KCNJ6: variants seen among roughly 807,000 people sequenced by gnomAD.
KCNJ6 encodes the protein G protein-activated inward rectifier potassium channel 2.
A neutral mutation model predicts 34.2 loss-of-function variants in KCNJ6; 9 were observed. The ratio of observed to expected loss-of-function variants is 0.26; its 90% confidence interval spans 0.16 to 0.46. The LOEUF is 0.46. KCNJ6 is among the 20% of genes least tolerant of loss of function. The pLI is 1.00. For synonymous variants in KCNJ6, 196 were observed against 207.1 expected (o/e 0.95, Z 0.46); for missense variants, 236 against 531.3 (o/e 0.44, Z 5.46).
intron 2 of KCNJ6, among the ~76,000 whole-genome samples, chr21:37,820,851 G>A (rs918765772): frequency 1.3e-5 from 2 of 152,220 alleles, no homozygotes; most frequent in Non-Finnish European, 2.9e-5. Context: ...CAGCCCTTGA[G>A]GGATGTGCCT....
chr21:37,725,759 T>C (rs148243321), intron 2 of KCNJ6, among the ~76,000 whole-genome samples: 1 of 152,328 alleles, frequency 6.6e-6, no homozygotes, highest in East Asian at 1.9e-4. Context: ...ACAACCCAAA[T>C]GTCTATCACC....
chr21:37,905,331 A>G (rs1451300697), intron 1 of KCNJ6, among the ~76,000 whole-genome samples: 8 of 152,238 alleles, frequency 5.3e-5, no homozygotes, highest in East Asian at 1.9e-4. Context: ...CTTGCCCCCA[A>G]TCAAAGCAGT....
At chr21:37,909,353 G>A (rs927248763) in intron 1 of KCNJ6, among the ~76,000 whole-genome samples, 1 of 151,844 alleles carries the variant, frequency 6.6e-6, no homozygotes, top group Non-Finnish European at 1.5e-5. Context: ...CTTTGTGCTG[G>A]ACACTGCACA....
intron 1 of KCNJ6, among the ~76,000 whole-genome samples, chr21:37,906,173 C>T (rs985165133): frequency 3.3e-5 from 5 of 152,046 alleles, no homozygotes; most frequent in Non-Finnish European, 7.4e-5. Flanking sequence ...ACAGAGAAGC[C>T]CTTGCTTTGT....
At chr21:37,775,344 C>G (rs1319940074) in intron 2 of KCNJ6, among the ~76,000 whole-genome samples, 1 of 152,194 alleles carries the variant, frequency 6.6e-6, no homozygotes, top group African/African-American at 2.4e-5. Flanking sequence ...TGCAGAAGCT[C>G]TTTAGTTTAA....
intron 1 of KCNJ6, among the ~76,000 whole-genome samples, chr21:37,877,201 G>T (rs1374042917): frequency 6.6e-6 from 1 of 152,102 alleles, no homozygotes; most frequent in East Asian, 1.9e-4. Flanking sequence ...TTTAATCACA[G>T]TGATAAAATA....
chr21:37,667,190 TGA>T (rs2054518797), intron 3 of KCNJ6, among the ~76,000 whole-genome samples: 1 of 27,578 alleles, frequency 3.6e-5, no homozygotes. Flanking sequence ...AAAAATTAAA[TGA>T]GGCAACGCAG....
chr21:37,625,301 G>T lies in KCNJ6; in HGVS notation c.1130C>A (p.Ala377Glu), dbSNP rs762183718. ...TACAGACCAACTCAGGGGCAGCTCT[G>T]CCCTGCTGGCTAACTCGGCCAGCTC... ...AKELAELASR[A>E]ELPLSWSVSS... The change falls in exon 4 of 4, where the codon GCA (alanine) becomes GAA (glutamate). Residue 377 changes from alanine to glutamate, a missense_variant. Physicochemically the swap from Ala to Glu is moderately radical, Grantham distance 107. This residue lies in a region of KCNJ6 where 43 missense variants were observed against 52.1 expected (regional missense o/e 0.82). Transcript: ENST00000609713. The T allele has an allele frequency of 6.2e-7, 1 of 1,614,222 alleles. No individual in the cohort carries two copies. Among genetic ancestry groups the T allele is most frequent in the Admixed American group, 1.7e-5 (1 of 60,034 alleles).
intron 1 of KCNJ6, among the ~76,000 whole-genome samples, chr21:37,855,699 TC>T (rs1202625772): frequency 6.6e-6 from 1 of 152,210 alleles, no homozygotes; most frequent in African/African-American, 2.4e-5. Context: ...CAGAATCATG[TC>T]CTTTGTTTAT....
intron 1 of KCNJ6, among the ~76,000 whole-genome samples, chr21:37,870,742 T>C (rs2055647510): frequency 6.6e-6 from 1 of 152,200 alleles, no homozygotes; most frequent in Non-Finnish European, 1.5e-5. Context: ...TGTCTATAAA[T>C]TTTTGAGTGA....
intron 1 of KCNJ6, among the ~76,000 whole-genome samples, chr21:37,875,647 T>C (rs140105059): frequency 1.3e-5 from 2 of 152,346 alleles, no homozygotes; most frequent in East Asian, 1.9e-4. Context: ...TCAATACTTA[T>C]GTGAAACTTA....
At chr21:37,868,778 G>A (rs994421704) in intron 1 of KCNJ6, among the ~76,000 whole-genome samples, 12 of 152,180 alleles carry the variant, frequency 7.9e-5, no homozygotes, top group Non-Finnish European at 1.5e-4. Context: ...CTCTCACAAC[G>A]GGCAGGCAGG....
intron 3 of KCNJ6, among the ~76,000 whole-genome samples, 181 bp from the exon 4 acceptor site, chr21:37,625,665 G>A (rs1048408098): frequency 4.6e-5 from 7 of 152,238 alleles, no homozygotes; most frequent in African/African-American, 1.7e-4. Flanking sequence ...GAGATTCCAG[G>A]CCTCTTAAGG....
intron 2 of KCNJ6, among the ~76,000 whole-genome samples, chr21:37,741,079 C>G (rs1251275271): frequency 2.6e-5 from 4 of 152,196 alleles, no homozygotes; most frequent in Admixed American, 2.6e-4. Context: ...AGATGACTTC[C>G]TCATCTAGCT....
chr21:37,696,926 G>T lies in KCNJ6; in HGVS notation c.946+17285C>A, dbSNP rs535557510. 2.6e-5 allele frequency among the ~76,000 whole-genome samples: 4 copies of T among 152,186 alleles called. No homozygotes were observed. In the South Asian group the frequency reaches 8.3e-4, roughly 32 times the overall value. On this transcript the variant is annotated intron_variant, in intron 3 of 3. Transcript: ENST00000609713. Reference sequence around the variant, plus strand: ...CCCCTAGCTCCTGAGGTAGCATGGCGAACAGGATCAATTTCATGATCTGAA... The same window carrying T: ...CCCCTAGCTCCTGAGGTAGCATGGCTAACAGGATCAATTTCATGATCTGAA...
chr21:37,678,536 G>A (rs1251190326), intron 3 of KCNJ6, among the ~76,000 whole-genome samples: 3 of 152,198 alleles, frequency 2.0e-5, no homozygotes, highest in African/African-American at 7.2e-5. Flanking sequence ...ATAGGCAGTG[G>A]TGCCTGGACC....
At chr21:37,767,043 G>GA (rs1185986870) in intron 2 of KCNJ6, among the ~76,000 whole-genome samples, 1 of 152,094 alleles carries the variant, frequency 6.6e-6, no homozygotes, top group Non-Finnish European at 1.5e-5. Flanking sequence ...AAACGCTTGG[G>GA]GACTGCTGAT....
Position 37,867,364 on chromosome 21 carries a change from C to G in KCNJ6, c.-27-26655G>C, listed in dbSNP as rs150147405. Among the ~76,000 whole-genome samples the G allele has an allele frequency of 7.9e-5, 12 of 152,232 alleles. No homozygotes were observed. The East Asian group carries it at 2.3e-3, about 29-fold the overall frequency. On this transcript the variant is annotated intron_variant, in intron 1 of 3. Transcript: ENST00000609713. ...GGAGAGCTGAGGGGTCACTGGCCCC[C>G]AGAAAGCCCCATGCAGCCAAGCTTG...
In KCNJ6 at chr21:37,671,606, C is replaced by T. The variant is rs558667173; in HGVS notation, c.946+42605G>A. ...GCCAGTTGGTCAGAAGCACAGGCCA[C>T]AACCTGTGCTTGCGACTGGCATCTG... On this transcript the variant is annotated intron_variant, in intron 3 of 3. Coordinates refer to ENST00000609713, the MANE Select transcript of KCNJ6 (RefSeq NM_002240.5). Among the ~76,000 whole-genome samples, 122 of 152,360 alleles carry T rather than the reference C, an allele frequency of 8.0e-4. 1 individual carries two copies. In the South Asian group the frequency reaches 0.025, roughly 31 times the overall value.
Sources: allele counts gnomAD v4.1 joint callset (sites outside exome capture counted in the v4.1 genomes callset), GRCh38; gene constraint gnomAD v4.1.1; regional missense constraint gnomAD v4.1.1; transcripts MANE v1.5; gene names NCBI Gene and HGNC (gene_info 2026-07-23, HGNC 2026-07-21).